The following PARK7 variants were observed in gnomAD, a reference collection of about 807,000 sequenced individuals.
The protein encoded by PARK7 is Parkinson disease protein 7.
In PARK7, 14 loss-of-function variants were observed where a neutral mutation model predicts 20.5. The ratio of observed to expected loss-of-function variants is 0.68; its 90% CI spans 0.45 to 1.07. The LOEUF is 1.07. PARK7 is among the 50% of genes least tolerant of loss of function. The pLI, the probability that PARK7 is intolerant of heterozygous loss-of-function variation, is 0.00. For missense variants in PARK7, 234 were observed against 238.1 expected (o/e 0.98, Z 0.11); for synonymous variants, 98 against 84.3 (o/e 1.16, Z -0.89).
chr1:7,973,991 CCTTATAG>C (rs982630544), intron 5 of PARK7, among the ~76,000 whole-genome samples: 5 of 151,136 alleles, frequency 3.3e-5, no homozygotes, highest in African/African-American at 1.2e-4. Flanking sequence ...GAAGCATGGG[CCTTATAG>C]TACTTTAAAT....
intron 2 of PARK7, among the ~76,000 whole-genome samples, chr1:7,964,630 T>C (rs226251): frequency 0.66 from 100,101 of 152,078 alleles, 34,174 homozygotes; most frequent in African/African-American, 0.84. Context: ...AAGGATAGCC[T>C]GTAGTCAGCA....
chr1:7,974,717 T>G (rs1476156710), intron 5 of PARK7, among the ~76,000 whole-genome samples: 1 of 152,072 alleles, frequency 6.6e-6, no homozygotes, highest in East Asian at 1.9e-4. Flanking sequence ...ACCACTGTTG[T>G]GGGCACTACA....
At chr1:7,963,951 G>A (rs1192391061) in intron 2 of PARK7, among the ~76,000 whole-genome samples, 1 of 151,866 alleles carries the variant, frequency 6.6e-6, no homozygotes, top group East Asian at 1.9e-4. Context: ...AAGTAGCTGG[G>A]ATTACAGGTG....
intron 6 of PARK7, among the ~76,000 whole-genome samples, chr1:7,978,351 C>T (rs1390199728): frequency 6.7e-6 from 1 of 150,096 alleles, no homozygotes; most frequent in Non-Finnish European, 1.5e-5. Flanking sequence ...GCTGGGATTA[C>T]AGGTGTTAGC....
chr1:7,983,242 G>A (rs1045325121), intron 6 of PARK7, among the ~76,000 whole-genome samples: 13 of 152,224 alleles, frequency 8.5e-5, no homozygotes, highest in African/African-American at 2.2e-4. Context: ...TCTCAGGTCC[G>A]CACTGAGCGG....
intron 4 of PARK7, among the ~76,000 whole-genome samples, chr1:7,970,562 CCTCT>C (rs764146658): frequency 3.3e-5 from 5 of 152,158 alleles, no homozygotes; most frequent in African/African-American, 4.8e-5. Context: ...AGATTCTGTT[CCTCT>C]CTCTGCCATC....
At chr1:7,966,518 A>C (rs1640333269) in intron 3 of PARK7, among the ~76,000 whole-genome samples, 1 of 151,910 alleles carries the variant, frequency 6.6e-6, no homozygotes, top group Admixed American at 6.6e-5. Context: ...CAACATAGCG[A>C]GACCGTTTCT....
intron 4 of PARK7, 140 bp from the exon 5 acceptor site, chr1:7,970,754 A>G (rs1275176927): frequency 1.2e-6 from 1 of 801,634 alleles, no homozygotes; most frequent in Non-Finnish European, 2.1e-6. Context: ...TTTTATACCA[A>G]TGATTTAGAA....
intron 5 of PARK7, chr1:7,972,081 T>G (rs1640477376): frequency 6.6e-6 from 1 of 152,174 alleles, no homozygotes; most frequent in Admixed American, 6.5e-5. Context: ...TCAAAAGAAG[T>G]TATGGGCCAG....
chr1:7,984,720 TA>T lies in PARK7; in HGVS notation c.410-169del. ...TGTCACCCTTTGCTCTGCACAGTTT[TA>T]AAAATACCTTTGTAGGGGGCTTCTA... On this transcript the variant is annotated intron_variant, in intron 6 of 6. Coordinates refer to ENST00000338639, the MANE Select transcript of PARK7 (RefSeq NM_007262.5). This position sits in a 1 kb window ranked among gnomAD's most constrained non-coding sequence, Gnocchi z 4.3. The T allele has an allele frequency of 2.7e-6, 2 of 735,340 alleles. No individual in the cohort carries two copies. Among genetic ancestry groups the T allele is most frequent in the Non-Finnish European group, 4.6e-6 (2 of 439,060 alleles). 45.6% of individuals were successfully genotyped at this position (735,340 alleles called of 1,614,324 possible).
chr1:7,968,049 C>G (rs1640365559), intron 3 of PARK7, among the ~76,000 whole-genome samples: 1 of 151,926 alleles, frequency 6.6e-6, no homozygotes, highest in Non-Finnish European at 1.5e-5. Flanking sequence ...GTGGTTCACG[C>G]CTGTAATCCC....
chr1:7,976,431 AATATGCTTGTGACCCTCC>A (rs1640585383), intron 5 of PARK7, among the ~76,000 whole-genome samples: 1 of 152,224 alleles, frequency 6.6e-6, no homozygotes, highest in Middle Eastern at 3.2e-3. Context: ...TTACATACGC[AATATGCTTGTGACCCTCC>A]CTGAAGTTGG....
chr1:7,983,668 A>C (rs1210269161), intron 6 of PARK7, among the ~76,000 whole-genome samples: 1 of 152,240 alleles, frequency 6.6e-6, no homozygotes, highest in Non-Finnish European at 1.5e-5. Context: ...GGAACTGGCT[A>C]TGCCCTGCTT....
At chr1:7,965,491 GTGT>G (rs1463056138) in intron 3 of PARK7, 66 bp downstream of exon 3, 3 of 1,422,260 alleles carry the variant, frequency 2.1e-6, no homozygotes, top group Admixed American at 3.4e-5. Flanking sequence ...TGTCTTAAGA[GTGT>G]TGTTAGCACA....
intron 6 of PARK7, among the ~76,000 whole-genome samples, chr1:7,980,144 GA>G (rs1216178987): frequency 7.4e-6 from 1 of 135,812 alleles, no homozygotes; most frequent in East Asian, 2.1e-4. Context: ...CTGGGCAACA[GA>G]GTGAGACTCC....
chr1:7,970,382 C>T (rs2151432007), intron 4 of PARK7, among the ~76,000 whole-genome samples: 1 of 152,270 alleles, frequency 6.6e-6, no homozygotes, highest in East Asian at 1.9e-4. Context: ...AGCTGTGGGG[C>T]TAGGGCTGCC....
In PARK7 at chr1:7,969,341, A is replaced by G. The variant is rs1557444282; in HGVS notation, c.193-4A>G. On this transcript the variant is annotated splice_polypyrimidine_tract_variant and splice_region_variant and intron_variant, in intron 3 of 6. Transcript: ENST00000338639. ...TGTTTTCTTTATGTTTTAAACTGTTACAGGGACCATATGATGTGGTGGTTC... is the reference window on the plus strand; with the variant it reads ...TGTTTTCTTTATGTTTTAAACTGTTGCAGGGACCATATGATGTGGTGGTTC... 4 of 1,610,154 alleles carry G rather than the reference A, an allele frequency of 2.5e-6. No homozygotes were observed. The highest frequency in any genetic ancestry group is 2.2e-5 in the South Asian group (2 of 90,810).
chr1:7,976,008 ACTGACAG>A (rs1338865131), intron 5 of PARK7, among the ~76,000 whole-genome samples: 1 of 152,230 alleles, frequency 6.6e-6, no homozygotes, highest in Admixed American at 6.5e-5. Context: ...TTGGTCTGAA[ACTGACAG>A]CTGATATTAG....
At chr1:7,965,298 T>C (rs1479870385) in intron 2 of PARK7, 26 bp from the exon 3 acceptor site, 1 of 1,591,216 alleles carries the variant, frequency 6.3e-7, no homozygotes, top group Admixed American at 1.7e-5. Context: ...TCAGTGTTCT[T>C]AAATATGATA....
Sources: gnomAD v4.1 joint callset for allele counts (sites outside exome capture counted in the v4.1 genomes callset) on GRCh38, gnomAD v4.1.1 for gene constraint, Gnocchi (gnomAD v3.1) non-coding constraint, MANE v1.5 for transcripts, NCBI Gene and HGNC (gene_info 2026-07-23, HGNC 2026-07-21) for gene names.